The following SORBS2 variants were observed in gnomAD, a reference collection of about 807,000 sequenced individuals.
SORBS2 encodes the protein sorbin and SH3 domain-containing protein 2.
In SORBS2, 46 loss-of-function variants were observed where a neutral mutation model predicts 97.7. The ratio of observed to expected loss-of-function variants is 0.47; its 90% CI spans 0.37 to 0.60. SORBS2 has a LOEUF of 0.60. SORBS2 is among the 20% of genes least tolerant of loss of function. SORBS2 has a pLI of 0.00. For synonymous variants in SORBS2, 476 were observed against 473.4 expected, an observed-to-expected ratio of 1.01 and a Z score of -0.07; for missense variants, 1,316 against 1,282.3, an observed-to-expected ratio of 1.03 and a Z score of -0.40.
chr4:185,949,706 C>T (rs911126783), intron 1 of SORBS2, among the ~76,000 whole-genome samples: 3 of 151,994 alleles, frequency 2.0e-5, no homozygotes, highest in East Asian at 1.9e-4. Flanking sequence ...CCCATTAAAA[C>T]GTAAAGCAGT....
rs1427942042 is a variant in SORBS2 at position 185,623,924 on chromosome 4, G to A, written c.1205C>T (p.Thr402Met). 6.2e-7 allele frequency: 1 copy of A among 1,614,190 alleles called. No individual in the cohort carries two copies. Among genetic ancestry groups the A allele is most frequent in the African/African-American group, 1.3e-5 (1 of 75,052 alleles). Residue 402 changes from threonine to methionine, a missense_variant, in exon 7 of 15, where the codon ACG becomes ATG. By Grantham distance (81) the Thr-to-Met change is moderately conservative. Transcript: ENST00000418609. The surrounding 1 kb of genome is among the most constrained non-coding windows in gnomAD (Gnocchi z 6.4). ...CACCATGTCCCGGGGCACCTCCTCCGTGGAGCACTGGCTCCAGGCGCGCAG... is the reference window on the plus strand; with the variant it reads ...CACCATGTCCCGGGGCACCTCCTCCATGGAGCACTGGCTCCAGGCGCGCAG...
chr4:185,665,978 A>G lies in SORBS2; in HGVS notation c.-45-3736T>C, dbSNP rs1561790010. 4 of 1,272,856 alleles carry G rather than the reference A, an allele frequency of 3.1e-6. No homozygotes were observed. The Admixed American group carries it at 9.4e-5, about 30-fold the overall frequency. The allele number at this position is 1,272,856 out of a possible 1,614,324, so 78.8% of individuals were successfully genotyped here. On this transcript the variant is annotated intron_variant, in intron 4 of 20. Coordinates refer to the SORBS2 transcript ENST00000284776. ...TCTGGAGCTGGGAGCAGGTGTTTGT[A>G]TAAGCAATGGGAAAGGCTCTGGGGA...
At chr4:185,740,629 C>T (rs539305342) in intron 2 of SORBS2, among the ~76,000 whole-genome samples, 1 of 152,154 alleles carries the variant, frequency 6.6e-6, no homozygotes, top group African/African-American at 2.4e-5. Flanking sequence ...ACTAACTCAG[C>T]CCAACATTAA....
chr4:185,824,750 A>G (rs998154102), intron 1 of SORBS2, among the ~76,000 whole-genome samples: 5 of 152,158 alleles, frequency 3.3e-5, no homozygotes, highest in African/African-American at 1.2e-4. Flanking sequence ...ATCTACCATT[A>G]TAAAATTGAA....
intron 1 of SORBS2, among the ~76,000 whole-genome samples, chr4:185,946,953 T>G (rs114850766): frequency 0.013 from 1,964 of 152,342 alleles, 51 homozygotes; most frequent in African/African-American, 0.045. Flanking sequence ...CTCCCTGGGG[T>G]GTACCCCAAC....
At chr4:185,952,593 T>G (rs1268595551) in intron 1 of SORBS2, among the ~76,000 whole-genome samples, 1 of 152,186 alleles carries the variant, frequency 6.6e-6, no homozygotes, top group African/African-American at 2.4e-5. Flanking sequence ...GCAGTTCCCT[T>G]GAATAGGGAG....
chr4:185,854,807 G>GAT (rs545289555), intron 1 of SORBS2, among the ~76,000 whole-genome samples: 427 of 151,392 alleles, frequency 2.8e-3, no homozygotes, highest in Middle Eastern at 6.9e-3. Context: ...GAGAGAGAGA[G>GAT]AGAGAGAGAG....
Position 185,952,458 on chromosome 4 carries a change from G to T in SORBS2, c.-338+3738C>A, listed in dbSNP as rs561474436. On this transcript the variant is annotated intron_variant, in intron 1 of 20. Transcript: ENST00000284776. ...CGGGCCCTCCCATTGCCCATGCCTG[G>T]GCAATACCCTGAGTATTTGGTCCTT... Among the ~76,000 whole-genome samples the T allele has an allele frequency of 2.2e-3, 339 of 152,318 alleles. 1 individual carries two copies. Among genetic ancestry groups the T allele is most frequent in the South Asian group, 0.015 (73 of 4,826 alleles).
At chr4:185,683,643 C>T (rs894047628) in intron 2 of SORBS2, among the ~76,000 whole-genome samples, 1 of 152,050 alleles carries the variant, frequency 6.6e-6, no homozygotes, top group Non-Finnish European at 1.5e-5. Flanking sequence ...TACTATAAAC[C>T]TTGCAATGCA....
intron 2 of SORBS2, among the ~76,000 whole-genome samples, chr4:185,679,610 C>T (rs561828788): frequency 3.5e-4 from 54 of 152,192 alleles, no homozygotes; most frequent in African/African-American, 1.3e-3. Context: ...GCTTGTGTTG[C>T]CTGGTTTATT....
intron 1 of SORBS2, among the ~76,000 whole-genome samples, chr4:185,932,161 A>G (rs1424099326): frequency 6.6e-6 from 1 of 151,876 alleles, no homozygotes; most frequent in Non-Finnish European, 1.5e-5. Flanking sequence ...CAAGATCATG[A>G]GGAAATGAGC....
chr4:185,657,459 C>T (rs1284203586), upstream of SORBS2: 7 of 1,559,918 alleles, frequency 4.5e-6, no homozygotes, highest in South Asian at 2.4e-5. Context: ...GATTCATCCA[C>T]GGGCCCGATC....
In SORBS2 at chr4:185,607,020, G is replaced by A. The variant is rs905738085; in HGVS notation, c.2796+4760C>T. Reference sequence around the variant, plus strand: ...CATGGTAAGGCTGGGCTGCAGCCGAGGCCACACCCGCGTGAGTGGAAGGTG... The same window carrying A: ...CATGGTAAGGCTGGGCTGCAGCCGAAGCCACACCCGCGTGAGTGGAAGGTG... On this transcript the variant is annotated intron_variant, in intron 12 of 14. Coordinates refer to ENST00000418609, the Ensembl canonical transcript of SORBS2. This position sits in a 1 kb window ranked among gnomAD's most constrained non-coding sequence, Gnocchi z 5.2. The A allele has an allele frequency of 9.8e-7, 1 of 1,016,728 alleles. No homozygotes were observed. The highest frequency in any genetic ancestry group is 1.7e-5 in the African/African-American group (1 of 57,474). The allele number at this position is 1,016,728 out of a possible 1,614,324, so 63.0% of individuals were successfully genotyped here.
chr4:185,869,522 G>A (rs565939255), intron 1 of SORBS2, among the ~76,000 whole-genome samples: 37 of 152,274 alleles, frequency 2.4e-4, no homozygotes, highest in East Asian at 9.7e-4. Context: ...GCTCCCACAC[G>A]CACATTCTAG....
At chr4:185,650,137 G>A (rs1271992930) in intron 2 of SORBS2, among the ~76,000 whole-genome samples, 1 of 152,204 alleles carries the variant, frequency 6.6e-6, no homozygotes, top group Non-Finnish European at 1.5e-5. Context: ...TGTTTATAAA[G>A]TGCTGTGCAA....
At chr4:185,871,433 A>C (rs1467401552) in intron 1 of SORBS2, among the ~76,000 whole-genome samples, 1 of 152,224 alleles carries the variant, frequency 6.6e-6, no homozygotes, top group African/African-American at 2.4e-5. Context: ...CCCTCCAGAA[A>C]GCCCAGCACA....
Position 185,936,647 on chromosome 4 carries a change from C to T in SORBS2, c.-338+19549G>A, listed in dbSNP as rs559853679. On this transcript the variant is annotated intron_variant, in intron 1 of 20. Coordinates refer to the SORBS2 transcript ENST00000284776. Reference sequence around the variant, plus strand: ...GATAATAGTGTGATAACCATAAATCCCATATTTCTGATCATTCCCAGTTTT... The same window carrying T: ...GATAATAGTGTGATAACCATAAATCTCATATTTCTGATCATTCCCAGTTTT... Among the ~76,000 whole-genome samples, 188 of 152,230 alleles carry T rather than the reference C, an allele frequency of 1.2e-3. 4 individuals are homozygous for T. In the South Asian group the frequency reaches 0.035, roughly 29 times the overall value.
intron 1 of SORBS2, among the ~76,000 whole-genome samples, chr4:185,947,674 T>C (rs1477611275): frequency 6.6e-6 from 1 of 152,032 alleles, no homozygotes; most frequent in Non-Finnish European, 1.5e-5. Context: ...TGCAATGGTG[T>C]GGTCTAGCTT....
intron 1 of SORBS2, among the ~76,000 whole-genome samples, chr4:185,861,372 T>G (rs980640704): frequency 5.3e-5 from 8 of 151,890 alleles, no homozygotes; most frequent in African/African-American, 1.7e-4. Context: ...TTGGTTTACA[T>G]GAGCATACGG....
Sources: gnomAD v4.1 joint callset for allele counts (sites outside exome capture counted in the v4.1 genomes callset) on GRCh38, gnomAD v4.1.1 for gene constraint, Gnocchi (gnomAD v3.1) non-coding constraint, MANE v1.5 for transcripts, NCBI Gene and HGNC (gene_info 2026-07-23, HGNC 2026-07-21) for gene names.